COL4A3: variants seen among roughly 807,000 people sequenced by gnomAD.
COL4A3 encodes collagen type IV alpha 3 chain.
Under a neutral mutation model 217.4 loss-of-function variants are expected in COL4A3, and 135 were observed. The observed-to-expected ratio is 0.62, with a 90% CI of 0.54 to 0.72. COL4A3 has a LOEUF of 0.72. Among genes scored for constraint, COL4A3 ranks in the 30% least tolerant of loss-of-function variants. The probability of loss-of-function intolerance (pLI) is 0.00; values close to 1 mark genes in which losing one functional copy is unlikely to be tolerated. For missense variants in COL4A3, 1,868 were observed against 2,119.9 expected, an observed-to-expected ratio of 0.88 and a Z score of 2.33; for synonymous variants, 690 against 736.3, an observed-to-expected ratio of 0.94 and a Z score of 1.02.
intron 29 of COL4A3, 87 bp downstream of exon 29, chr2:227,279,977 T>A: frequency 1.2e-6 from 1 of 804,732 alleles, no homozygotes; most frequent in Non-Finnish European, 2.1e-6. Context: ...CAGAGCACTC[T>A]AGATGTAGAA....
chr2:227,226,176 C>T (rs1171058962), intron 1 of COL4A3, among the ~76,000 whole-genome samples: 1 of 152,126 alleles, frequency 6.6e-6, no homozygotes, highest in South Asian at 2.1e-4. Context: ...AAAAATATAA[C>T]TAAGACAGCC....
At position 227,295,295 on chromosome 2, in the gene COL4A3, A is replaced by AGAG. The variant is rs1175052474; in HGVS notation, c.3546_3548dup (p.Gly1183dup). On this transcript the variant is annotated inframe_insertion, in exon 41 of 52. Transcript: ENST00000396578. ...TTTATTGAGGGCCCCTCCAGGCCCA[A>AGAG]GAGGGAACCCTGGTGCTCAAGGTAA... The AGAG allele has an allele frequency of 2.5e-6, 4 of 1,614,038 alleles. No individual in the cohort carries two copies. The highest frequency in any genetic ancestry group is 3.4e-6 in the Non-Finnish European group (4 of 1,180,008).
chr2:227,196,957 G>A (rs1336797105), intron 1 of COL4A3, among the ~76,000 whole-genome samples: 1 of 152,124 alleles, frequency 6.6e-6, no homozygotes, highest in African/African-American at 2.4e-5. Flanking sequence ...AGTGGGAGGC[G>A]ATTGAATCAT....
chr2:227,300,253 G>C (rs2073220597), intron 43 of COL4A3, among the ~76,000 whole-genome samples: 1 of 152,116 alleles, frequency 6.6e-6, no homozygotes, highest in Non-Finnish European at 1.5e-5. Flanking sequence ...AATTCCACTT[G>C]GGCCATTGGG....
At chr2:227,261,523 T>A (rs1185106359) in intron 20 of COL4A3, among the ~76,000 whole-genome samples, 3 of 152,246 alleles carry the variant, frequency 2.0e-5, no homozygotes, top group Admixed American at 6.5e-5. Flanking sequence ...AGACTCTATC[T>A]CAAAATAAAA....
chr2:227,251,798 T>C (rs534859051), intron 11 of COL4A3, among the ~76,000 whole-genome samples: 61 of 152,172 alleles, frequency 4.0e-4, no homozygotes, highest in Non-Finnish European at 7.2e-4. Flanking sequence ...CCCAGGCGCA[T>C]TGGTTCACAC....
intron 41 of COL4A3, chr2:227,296,530 T>C (rs2073036041): frequency 1.0e-6 from 1 of 977,348 alleles, no homozygotes; most frequent in Non-Finnish European, 1.2e-6. Context: ...TTGGAAGGTA[T>C]GAATCCTTTT....
Position 227,194,274 on chromosome 2 carries a change from G to A in COL4A3, c.87+29461G>A, listed in dbSNP as rs891708474. 7.9e-5 allele frequency among the ~76,000 whole-genome samples: 12 copies of A among 152,298 alleles called. No individual in the cohort carries two copies. In the East Asian group the frequency reaches 1.5e-3, roughly 20 times the overall value. On this transcript the variant is annotated intron_variant, in intron 1 of 51. Coordinates refer to ENST00000396578, the MANE Select transcript of COL4A3 (RefSeq NM_000091.5). Reference sequence around the variant, plus strand: ...TACAAAGGTGAGGTTCAGGTAAACCGTCTGAGATAGTTCAACAGACAAGTT... The same window carrying A: ...TACAAAGGTGAGGTTCAGGTAAACCATCTGAGATAGTTCAACAGACAAGTT...
intron 3 of COL4A3, 38 bp from the exon 4 acceptor site, chr2:227,244,282 T>G: frequency 6.2e-7 from 1 of 1,600,740 alleles, no homozygotes; most frequent in Admixed American, 1.7e-5. Flanking sequence ...CAAATAATTT[T>G]CAGAGTGTTT....
At chr2:227,215,030 G>A (rs539827250) in intron 1 of COL4A3, among the ~76,000 whole-genome samples, 132 of 152,168 alleles carry the variant, frequency 8.7e-4, no homozygotes, top group South Asian at 2.1e-3. Context: ...TTGTTTACTC[G>A]GCTTAGAATG....
chr2:227,236,462 A>G (rs977640485), intron 1 of COL4A3, among the ~76,000 whole-genome samples: 3 of 152,106 alleles, frequency 2.0e-5, no homozygotes, highest in Non-Finnish European at 2.9e-5. Flanking sequence ...AGAATTCTCC[A>G]CCTTAGGAAT....
chr2:227,184,361 G>T (rs1337186920), intron 1 of COL4A3, among the ~76,000 whole-genome samples: 1 of 152,194 alleles, frequency 6.6e-6, no homozygotes. Flanking sequence ...GCAGACATAT[G>T]AGTGTCAGCC....
intron 24 of COL4A3, 36 bp from the exon 25 acceptor site, chr2:227,270,734 A>C (rs370536512): frequency 1.2e-6 from 2 of 1,603,076 alleles, no homozygotes; most frequent in Non-Finnish European, 1.7e-6. Flanking sequence ...GAATTCTAAC[A>C]AAATACAATA....
intron 34 of COL4A3, among the ~76,000 whole-genome samples, chr2:227,287,856 C>T (rs1372475276): frequency 6.6e-6 from 1 of 152,200 alleles, no homozygotes. Flanking sequence ...CAGTTAAACA[C>T]TAAAAACCTG....
At chr2:227,273,536 T>C (rs556201189) in intron 26 of COL4A3, among the ~76,000 whole-genome samples, 1 of 152,286 alleles carries the variant, frequency 6.6e-6, no homozygotes, top group South Asian at 2.1e-4. Flanking sequence ...CCTGAGTAGC[T>C]GGGGCTACAG....
intron 1 of COL4A3, among the ~76,000 whole-genome samples, chr2:227,172,130 T>G (rs182124065): frequency 1.3e-5 from 2 of 152,340 alleles, no homozygotes; most frequent in Non-Finnish European, 2.9e-5. Context: ...ATGTGCATGC[T>G]TGAGCCCACT....
In COL4A3 at chr2:227,250,618, A is replaced by G. The variant is rs1287275318; in HGVS notation, c.547-522A>G. On this transcript the variant is annotated intron_variant, in intron 9 of 51. Coordinates refer to ENST00000396578, the MANE Select transcript of COL4A3 (RefSeq NM_000091.5). The surrounding 1 kb of genome is among the most constrained non-coding windows in gnomAD (Gnocchi z 4.1). ...TATGGTGTGTGAGTAATAAATGCTAAAAGTAAAAATAATGCACGAAAGCAG... is the reference window on the plus strand; with the variant it reads ...TATGGTGTGTGAGTAATAAATGCTAGAAGTAAAAATAATGCACGAAAGCAG... Among the ~76,000 whole-genome samples the G allele has an allele frequency of 6.6e-6, 1 of 152,212 alleles. No individual in the cohort carries two copies. Among genetic ancestry groups the G allele is most frequent in the African/African-American group, 2.4e-5 (1 of 41,462 alleles).
intron 1 of COL4A3, among the ~76,000 whole-genome samples, chr2:227,167,416 T>A (rs760383140): frequency 6.6e-6 from 1 of 152,228 alleles, no homozygotes; most frequent in Non-Finnish European, 1.5e-5. Flanking sequence ...CCAGGTTTTA[T>A]AGCTGTCAGG....
At chr2:227,309,860 C>T (rs2073674145) in intron 50 of COL4A3, among the ~76,000 whole-genome samples, 1 of 152,006 alleles carries the variant, frequency 6.6e-6, no homozygotes, top group Admixed American at 6.5e-5. Flanking sequence ...CTCCTGACCT[C>T]CAGTGATCTG....
Sources: allele counts gnomAD v4.1 joint callset (sites outside exome capture counted in the v4.1 genomes callset), GRCh38; gene constraint gnomAD v4.1.1; non-coding constraint Gnocchi (gnomAD v3.1); transcripts MANE v1.5; gene names NCBI Gene and HGNC (gene_info 2026-07-23, HGNC 2026-07-21).